The following POU2F2 variants were observed in gnomAD, a reference collection of about 807,000 sequenced individuals.
The protein encoded by POU2F2 is POU domain, class 2, transcription factor 2.
A neutral mutation model predicts 63.5 loss-of-function variants in POU2F2; 14 were observed. The observed-to-expected ratio is 0.22, with a 90% CI of 0.15 to 0.34. The LOEUF is 0.34. POU2F2 is among the 10% of genes least tolerant of loss of function. POU2F2 has a pLI of 1.00. For synonymous variants in POU2F2, 306 were observed against 348.6 expected, an observed-to-expected ratio of 0.88 and a Z score of 1.36; for missense variants, 607 against 815.2, an observed-to-expected ratio of 0.74 and a Z score of 3.11.
chr19:42,094,238 T>C (rs1250315186), intron 11 of POU2F2, among the ~76,000 whole-genome samples: 3 of 152,186 alleles, frequency 2.0e-5, no homozygotes, highest in African/African-American at 4.8e-5. Flanking sequence ...CTAAAACTCT[T>C]TTCCCTGGAC....
chr19:42,181,720 G>A (rs376023449), intron 1 of POU2F2, among the ~76,000 whole-genome samples: 1 of 152,038 alleles, frequency 6.6e-6, no homozygotes. Flanking sequence ...CCGAGTAGCT[G>A]GGATTACAGG....
chr19:42,120,889 A>G (rs916489888), intron 4 of POU2F2, among the ~76,000 whole-genome samples: 1 of 152,234 alleles, frequency 6.6e-6, no homozygotes, highest in Non-Finnish European at 1.5e-5. Flanking sequence ...AGTTGCGCAC[A>G]GTGGTCTTAT....
At position 42,122,152 on chromosome 19, in the gene POU2F2, C is replaced by A. The variant is rs754417954; in HGVS notation, c.160G>T (p.Val54Leu). 6.2e-7 allele frequency: 1 copy of A among 1,613,380 alleles called. No homozygotes were observed. Among genetic ancestry groups the A allele is most frequent in the Non-Finnish European group, 8.5e-7 (1 of 1,179,594 alleles). The change falls in exon 4 of 15, where the codon GTG (valine) becomes TTG (leucine). Residue 54 changes from valine to leucine, a missense_variant. Val to Leu is a conservative substitution (Grantham distance 32). Around this residue, in one of 7 missense-constraint regions of POU2F2, gnomAD observed 224 missense variants for 264.3 expected, o/e 0.85. Coordinates refer to ENST00000692977, the MANE Select transcript of POU2F2 (RefSeq NM_001394376.1). ...TTTGTACTGGGGCCAGTTGGGGACA[C>A]GGAGAATGGGGAGGTCTTATTTTGG... ...NPQNKTSPFS[V>L]SPTGPSTKVG...
chr19:42,103,552 A>G (rs1198527742), intron 5 of POU2F2, among the ~76,000 whole-genome samples: 1 of 152,066 alleles, frequency 6.6e-6, no homozygotes, highest in Non-Finnish European at 1.5e-5. Context: ...TATTATTCCT[A>G]AAGACCAATT....
In POU2F2 at chr19:42,095,497, C is replaced by T; in HGVS notation, c.1021-35G>A. ...GAGGGCTCGTTAGCCCGAGGCCCACCGCCCGCCACCCCTCAGGTGAGGGCC... is the reference window on the plus strand; with the variant it reads ...GAGGGCTCGTTAGCCCGAGGCCCACTGCCCGCCACCCCTCAGGTGAGGGCC... On this transcript the variant is annotated intron_variant, in intron 10 of 14. Transcript: ENST00000692977. The surrounding 1 kb of genome is among the most constrained non-coding windows in gnomAD (Gnocchi z 7.1). 1.9e-6 allele frequency: 3 copies of T among 1,605,996 alleles called. No individual in the cohort carries two copies. The highest frequency in any genetic ancestry group is 2.2e-5 in the East Asian group (1 of 44,780).
At chr19:42,091,682 T>C (rs1373751600) in intron 14 of POU2F2, 91 bp from the exon 15 acceptor site, 5 of 1,550,602 alleles carry the variant, frequency 3.2e-6, no homozygotes, top group Non-Finnish European at 3.5e-6. Flanking sequence ...GCCCCCCATC[T>C]CCCCATCGGT....
In POU2F2 at chr19:42,183,995, ATT is replaced by A. The variant is rs577786741; in HGVS notation, c.-70+12386_-70+12387del. On this transcript the variant is annotated intron_variant, in intron 1 of 5. Transcript: ENST00000532176. The stretch of plus-strand genomic sequence containing the variant: ...AGGAAACTATGAGACACGACTGGGG[ATT>A]TTTTTTTTTTTTTTTTTTTTGAGAC... 1.6e-3 allele frequency among the ~76,000 whole-genome samples: 195 copies of A among 125,688 alleles called. 1 individual carries two copies. Among genetic ancestry groups the A allele is most frequent in the South Asian group, 9.5e-3 (35 of 3,700 alleles). The allele number at this position is 125,688 out of a possible 152,430, so 82.5% of individuals were successfully genotyped here.
In POU2F2 at chr19:42,095,998, C is replaced by T. The variant is rs962900191; in HGVS notation, c.730-69G>A. On this transcript the variant is annotated intron_variant, in intron 8 of 14. Transcript: ENST00000692977. The surrounding 1 kb of genome is among the most constrained non-coding windows in gnomAD (Gnocchi z 7.1). Reference sequence around the variant, plus strand: ...CTTCCGGCACTGGGCCCGCTCCGCCCGCCCACTGGCCACGCCCCTCGCGGC... The same window carrying T: ...CTTCCGGCACTGGGCCCGCTCCGCCTGCCCACTGGCCACGCCCCTCGCGGC... 1.4e-5 allele frequency: 23 copies of T among 1,597,952 alleles called. No individual in the cohort carries two copies. Among genetic ancestry groups the T allele is most frequent in the Non-Finnish European group, 1.8e-5 (21 of 1,173,142 alleles).
chr19:42,094,880 G>A (rs1314598234), intron 11 of POU2F2, among the ~76,000 whole-genome samples: 1 of 152,178 alleles, frequency 6.6e-6, no homozygotes, highest in Non-Finnish European at 1.5e-5. Flanking sequence ...GATATCAAGT[G>A]GGCCTGTGTA....
At chr19:42,172,798 A>G (rs2034796810) in intron 1 of POU2F2, among the ~76,000 whole-genome samples, 1 of 152,180 alleles carries the variant, frequency 6.6e-6, no homozygotes, top group African/African-American at 2.4e-5. Flanking sequence ...CACATAAGGC[A>G]TCCATCCACC....
At chr19:42,166,353 C>T (rs755924606) in intron 1 of POU2F2, among the ~76,000 whole-genome samples, 1 of 151,234 alleles carries the variant, frequency 6.6e-6, no homozygotes, top group African/African-American at 2.4e-5. Flanking sequence ...AAATGAACAA[C>T]AAAAAAAAGT....
At chr19:42,159,038 T>C (rs1045866853) in intron 2 of POU2F2, among the ~76,000 whole-genome samples, 2 of 152,306 alleles carry the variant, frequency 1.3e-5, no homozygotes, top group Middle Eastern at 6.8e-3. Context: ...GTAGCACAAC[T>C]GGGCAAATGT....
In POU2F2 at chr19:42,167,634, G is replaced by A. The variant is rs189909561; in HGVS notation, c.-69-7242C>T. Among the ~76,000 whole-genome samples the A allele has an allele frequency of 1.5e-4, 23 of 152,336 alleles. 1 individual carries two copies. In the East Asian group the frequency reaches 2.7e-3, roughly 18 times the overall value. On this transcript the variant is annotated intron_variant, in intron 1 of 6. Coordinates refer to the POU2F2 transcript ENST00000524801. ...ATGGCTTGAGCTTCCAGAGCCAGGA[G>A]GGAGGGAGTAAAAGTTGAATAGACA...
intron 1 of POU2F2, among the ~76,000 whole-genome samples, chr19:42,183,489 T>A (rs1414916199): frequency 6.6e-6 from 1 of 152,248 alleles, no homozygotes; most frequent in Non-Finnish European, 1.5e-5. Context: ...GTAATGGAAA[T>A]GTTTTGTAAC....
At position 42,089,720 on chromosome 19, in the gene POU2F2, A is replaced by G. The variant is rs2076654891; in HGVS notation, c.*1537T>C. 1 of 147,238 alleles carries G rather than the reference A, an allele frequency of 6.8e-6. No individual in the cohort carries two copies. 9.1% of individuals were successfully genotyped at this position (147,238 alleles called of 1,614,324 possible). On this transcript the variant is annotated 3_prime_UTR_variant, in exon 15 of 15. Transcript: ENST00000692977. ...CATCTTCTTTCCCTTTTATATATATATATATATATATGTTTATATATATAT... is the reference window on the plus strand; with the variant it reads ...CATCTTCTTTCCCTTTTATATATATGTATATATATATGTTTATATATATAT...
At chr19:42,118,821 ATT>A (rs1323260559) in intron 4 of POU2F2, among the ~76,000 whole-genome samples, 2 of 152,250 alleles carry the variant, frequency 1.3e-5, no homozygotes, top group South Asian at 2.1e-4. Flanking sequence ...GCCCAACACC[ATT>A]TTGTAAAAGG....
Position 42,099,826 on chromosome 19 carries a change from C to T in POU2F2, c.370-5G>A. On this transcript the variant is annotated splice_polypyrimidine_tract_variant and splice_region_variant and intron_variant, in intron 5 of 14. Transcript: ENST00000692977. ...CTGGAGGAGCTGCTGTATGTCCTGG[C>T]AGGGAGTGGGGTGGACAGAAAGATA... is the stretch of plus-strand genomic sequence containing the variant. 1 of 1,556,914 alleles carries T rather than the reference C, an allele frequency of 6.4e-7. No homozygotes were observed. The highest frequency in any genetic ancestry group is 2.4e-5 in the East Asian group (1 of 41,566).
intron 5 of POU2F2, among the ~76,000 whole-genome samples, chr19:42,109,047 A>G (rs1363498833): frequency 6.6e-6 from 1 of 152,260 alleles, no homozygotes; most frequent in African/African-American, 2.4e-5. Flanking sequence ...GACTTTGGCT[A>G]TGACTGGGGG....
intron 4 of POU2F2, among the ~76,000 whole-genome samples, chr19:42,121,398 T>C (rs924295330): frequency 6.6e-6 from 1 of 151,978 alleles, no homozygotes; most frequent in African/African-American, 2.4e-5. Context: ...CCCTGACCAA[T>C]GATACTGAAG....
Sources: gnomAD v4.1 joint callset for allele counts (sites outside exome capture counted in the v4.1 genomes callset) on GRCh38, gnomAD v4.1.1 for gene constraint, gnomAD v4.1.1 regional missense constraint, Gnocchi (gnomAD v3.1) non-coding constraint, MANE v1.5 for transcripts, NCBI Gene and HGNC (gene_info 2026-07-23, HGNC 2026-07-21) for gene names.